SLC27A1: variants seen among roughly 807,000 people sequenced by gnomAD.
The protein encoded by SLC27A1 is solute carrier family 27 member 1.
SLC27A1 carries 61 observed loss-of-function variants against 62.2 expected under a neutral mutation model. The ratio of observed to expected loss-of-function variants is 0.98; its 90% CI spans 0.80 to 1.21. SLC27A1 has a LOEUF of 1.21. Among genes scored for constraint, SLC27A1 ranks in the 50% most tolerant of loss-of-function variants. The pLI is 0.00. For synonymous variants in SLC27A1, 435 were observed against 408.6 expected (o/e 1.06, Z -0.78); for missense variants, 903 against 932.1 (o/e 0.97, Z 0.41).
chr19:17,484,505 T>C (rs1047876877), intron 1 of SLC27A1, among the ~76,000 whole-genome samples: 3 of 152,004 alleles, frequency 2.0e-5, no homozygotes, highest in African/African-American at 7.2e-5. Flanking sequence ...GGTGGGAGGA[T>C]TGCTTGAGCC....
At chr19:17,475,242 A>G (rs1411140267) in intron 1 of SLC27A1, among the ~76,000 whole-genome samples, 2 of 152,182 alleles carry the variant, frequency 1.3e-5, no homozygotes, top group East Asian at 3.9e-4. Context: ...TGAGTAAAAT[A>G]CATCAGAATT....
intron 1 of SLC27A1, among the ~76,000 whole-genome samples, chr19:17,476,641 A>G (rs1158073619): frequency 6.6e-6 from 1 of 151,876 alleles, no homozygotes; most frequent in East Asian, 1.9e-4. Flanking sequence ...AGCACTTGAT[A>G]AATGCTTTGT....
intron 1 of SLC27A1, among the ~76,000 whole-genome samples, chr19:17,472,870 G>C (rs1456505746): frequency 6.6e-6 from 1 of 151,810 alleles, no homozygotes; most frequent in Non-Finnish European, 1.5e-5. Context: ...GCCCAGGGTG[G>C]ACCAGCCTCC....
rs2075473151 is a variant in SLC27A1 at position 17,505,735 on chromosome 19, C to A, written c.*1123C>A. The A allele has an allele frequency of 6.6e-6, 1 of 152,660 alleles. No homozygotes were observed. 9.5% of individuals were successfully genotyped at this position (152,660 alleles called of 1,614,324 possible). A position where few individuals can be genotyped will look rare whatever the true frequency, so the allele number is the denominator to read the frequency against. Reference sequence around the variant, plus strand: ...TCCTGGGAGGAGGCCTCCTGGGTGTCCTCATCTGGTGTGTCTACTGGAGGG... The same window carrying A: ...TCCTGGGAGGAGGCCTCCTGGGTGTACTCATCTGGTGTGTCTACTGGAGGG... On this transcript the variant is annotated 3_prime_UTR_variant, in exon 12 of 12. Coordinates refer to ENST00000252595, the MANE Select transcript of SLC27A1 (RefSeq NM_198580.3).
chr19:17,489,233 C>T (rs1356015174), intron 6 of SLC27A1, 116 bp downstream of exon 6: 3 of 834,498 alleles, frequency 3.6e-6, no homozygotes, highest in East Asian at 2.7e-5. Context: ...AAAGCCCCAC[C>T]TCCTCCTGGT....
In SLC27A1 at chr19:17,504,812, C is replaced by T. The variant is rs541384109; in HGVS notation, c.*200C>T. 5 of 720,084 alleles carry T rather than the reference C, an allele frequency of 6.9e-6. No individual in the cohort carries two copies. The African/African-American group carries it at 8.7e-5, about 12-fold the overall frequency. 44.6% of individuals were successfully genotyped at this position (720,084 alleles called of 1,614,324 possible). A position where few individuals can be genotyped will look rare whatever the true frequency, so the allele number is the denominator to read the frequency against. On this transcript the variant is annotated 3_prime_UTR_variant, in exon 12 of 12. Transcript: ENST00000252595. ...GCCTTGGTGCCCCTGTGTCTGCCTC[C>T]TCTCCCTGCTTTTCAGCCTCTGTCT... is the stretch of plus-strand genomic sequence containing the variant.
chr19:17,498,594 G>A (rs1443808541), intron 7 of SLC27A1: 3 of 197,374 alleles, frequency 1.5e-5, no homozygotes, highest in East Asian at 1.1e-4. Context: ...CCCTGTGTGC[G>A]GAGACGAGAG....
chr19:17,500,497 G>A lies in SLC27A1; in HGVS notation c.1336G>A (p.Glu446Lys). 1 of 1,613,646 alleles carries A rather than the reference G, an allele frequency of 6.2e-7. No individual in the cohort carries two copies. The highest frequency in any genetic ancestry group is 2.2e-5 in the East Asian group (1 of 44,858). The change falls in exon 9 of 12, where the codon GAG (glutamate) becomes AAG (lysine). Residue 446 changes from glutamate (E) to lysine (K), a missense_variant and splice_region_variant. Physicochemically the swap from Glu to Lys is moderately conservative, Grantham distance 56. Transcript: ENST00000252595. Reference protein sequence around the residue: ...QGLCIPCQAGEPGLLVGQINQ... With the variant: ...QGLCIPCQAGKPGLLVGQINQ... ...CCTGAACATGGCCTTCTCCCTAGGG[G>A]AGCCTGGCCTCCTTGTGGGTCAGAT...
In SLC27A1 at chr19:17,488,899, TG is replaced by T; in HGVS notation, c.847del (p.Asp283ThrfsTer27). 1 of 1,614,128 alleles carries T rather than the reference TG, an allele frequency of 6.2e-7. No homozygotes were observed. Among genetic ancestry groups the T allele is most frequent in the East Asian group, 2.2e-5 (1 of 44,884 alleles). On this transcript the variant is annotated frameshift_variant, in exon 5 of 12. Transcript: ENST00000252595. LOFTEE classifies it high-confidence loss of function. ...GHHAYRMQAA[D>X]VLYDCLPLYH... is the part of the protein sequence containing the mutation. ...ACCACGCCTACCGCATGCAGGCGGC[TG>T]ACGTGCTCTATGACTGCCTGCCCCT...
upstream of SLC27A1, chr19:17,470,453 T>G (rs1348001114): frequency 1.5e-6 from 2 of 1,356,942 alleles, no homozygotes; most frequent in Non-Finnish European, 1.9e-6. Context: ...CGCGGCTCGC[T>G]GTAGAGGCGG....
intron 1 of SLC27A1, among the ~76,000 whole-genome samples, chr19:17,476,808 T>C (rs1057503403): frequency 6.6e-6 from 1 of 151,908 alleles, no homozygotes; most frequent in Non-Finnish European, 1.5e-5. Context: ...GGGACCTATT[T>C]TGGAGGGTGG....
intron 7 of SLC27A1, chr19:17,499,076 C>A: frequency 6.0e-6 from 1 of 165,432 alleles, no homozygotes; most frequent in South Asian, 1.3e-4. Flanking sequence ...TCAGGCCCTC[C>A]ACAAGAGGTG....
At chr19:17,495,687 C>G (rs2075342997) in intron 6 of SLC27A1, 1 of 152,204 alleles carries the variant, frequency 6.6e-6, no homozygotes, top group African/African-American at 2.4e-5. Context: ...GGCAGTGGCC[C>G]AAGTCTGAGA....
At position 17,473,587 on chromosome 19, in the gene SLC27A1, C is replaced by T. The variant is rs1226594278; in HGVS notation, c.167+2880C>T. On this transcript the variant is annotated intron_variant, in intron 1 of 11. Transcript: ENST00000252595. ...TTAATAAAAAATTAACTCGGCTGGG[C>T]GCGGTGGCTCACACCTGTAATCCCA... is the stretch of plus-strand genomic sequence containing the variant. Among the ~76,000 whole-genome samples the T allele has an allele frequency of 4.6e-5, 7 of 152,218 alleles. No individual in the cohort carries two copies. In the East Asian group the frequency reaches 5.8e-4, roughly 13 times the overall value.
Position 17,497,345 on chromosome 19 carries a change from G to A in SLC27A1, c.1087G>A (p.Gly363Arg). ...ERRHRVRLAV[G>R]NGLRPAIWEE... ...GCGACACCGCGTGCGCCTGGCGGTGGGGAACGGGCTGCGTCCTGCCATCTG... is the reference window on the plus strand; with the variant it reads ...GCGACACCGCGTGCGCCTGGCGGTGAGGAACGGGCTGCGTCCTGCCATCTG... Residue 363 changes from glycine (G) to arginine (R), a missense_variant, in exon 7 of 12, where the codon GGG becomes AGG. By Grantham distance (125) the Gly-to-Arg change is moderately radical. Coordinates refer to ENST00000252595, the MANE Select transcript of SLC27A1 (RefSeq NM_198580.3). 1 of 1,601,686 alleles carries A rather than the reference G, an allele frequency of 6.2e-7. No individual in the cohort carries two copies. Among genetic ancestry groups the A allele is most frequent in the Non-Finnish European group, 8.5e-7 (1 of 1,176,400 alleles).
intron 1 of SLC27A1, among the ~76,000 whole-genome samples, chr19:17,471,442 A>C (rs896833472): frequency 6.6e-6 from 1 of 151,854 alleles, no homozygotes; most frequent in African/African-American, 2.4e-5. Context: ...CTAGGGGGGC[A>C]GATTCTGGTG....
intron 1 of SLC27A1, among the ~76,000 whole-genome samples, chr19:17,476,530 T>C (rs2075123795): frequency 9.1e-6 from 1 of 110,018 alleles, no homozygotes; most frequent in African/African-American, 3.7e-5. Flanking sequence ...AGAGTGAGAC[T>C]CTGTCTCAAA....
intron 6 of SLC27A1, among the ~76,000 whole-genome samples, chr19:17,493,251 T>C (rs1041923901): frequency 1.3e-5 from 2 of 149,224 alleles, no homozygotes; most frequent in African/African-American, 4.9e-5. Context: ...CTGGCCAACA[T>C]GGTGAAACCC....
At position 17,486,847 on chromosome 19, in the gene SLC27A1, C is replaced by T. The variant is rs756524363; in HGVS notation, c.452C>T (p.Ala151Val). 1.9e-6 allele frequency: 3 copies of T among 1,587,146 alleles called. No homozygotes were observed. The change falls in exon 2 of 12, where the codon GCG becomes GTG. Residue 151 changes from alanine to valine, a missense_variant. By Grantham distance (64) the Ala-to-Val change is moderately conservative. Coordinates refer to ENST00000252595, the MANE Select transcript of SLC27A1 (RefSeq NM_198580.3). The surrounding 1 kb of genome is among the most constrained non-coding windows in gnomAD (Gnocchi z 6.6). ...FVGLWLGLAK[A>V]GMEAALLNVN... ...GGGCTGTGGCTGGGCCTGGCCAAGG[C>T]GGGCATGGAGGCCGCGCTGCTCAAC...
Sources: gnomAD v4.1 joint callset for allele counts (sites outside exome capture counted in the v4.1 genomes callset) on GRCh38, gnomAD v4.1.1 for gene constraint, Gnocchi (gnomAD v3.1) non-coding constraint, MANE v1.5 for transcripts, NCBI Gene and HGNC (gene_info 2026-07-23, HGNC 2026-07-21) for gene names.